The following CSMD2 variants were observed in gnomAD, a reference collection of about 807,000 sequenced individuals.
CSMD2 encodes the protein CUB and Sushi multiple domains 2, also known as CUB and sushi domain-containing protein 2.
Under a neutral mutation model 398.5 loss-of-function variants are expected in CSMD2, and 130 were observed. The observed-to-expected ratio is 0.33, with a 90% CI of 0.28 to 0.38. The LOEUF (loss-of-function observed/expected upper bound fraction) is 0.38, where lower values mean the gene tolerates loss of function less well. Ranked by LOEUF, CSMD2 falls within the 10% of genes least tolerant of loss-of-function variation. The pLI is 1.00. For synonymous variants in CSMD2, 1,828 were observed against 1,908.5 expected, an observed-to-expected ratio of 0.96 and a Z score of 1.10; for missense variants, 3,829 against 4,764.9, an observed-to-expected ratio of 0.80 and a Z score of 5.78.
intron 5 of CSMD2, chr1:33,870,576 A>G (rs1246775644): frequency 1.3e-5 from 2 of 152,100 alleles, no homozygotes; most frequent in Non-Finnish European, 2.9e-5. Flanking sequence ...TGACATTTCT[A>G]TGTCTCCCCT....
intron 2 of CSMD2, among the ~76,000 whole-genome samples, chr1:34,050,516 G>A (rs1270462115): frequency 6.6e-6 from 1 of 152,190 alleles, no homozygotes; most frequent in African/African-American, 2.4e-5. Flanking sequence ...TGAAGCAGCT[G>A]GCTAGGTAGA....
intron 6 of CSMD2, among the ~76,000 whole-genome samples, chr1:33,844,092 C>T (rs114858386): frequency 1.3e-5 from 2 of 152,318 alleles, no homozygotes; most frequent in Non-Finnish European, 2.9e-5. Flanking sequence ...TCCTGTCTCC[C>T]GCTGGACCCC....
chr1:33,804,529 C>T (rs988507689), intron 10 of CSMD2, among the ~76,000 whole-genome samples: 2 of 151,332 alleles, frequency 1.3e-5, no homozygotes, highest in Non-Finnish European at 2.9e-5. Context: ...TCTGGACATG[C>T]CTCCATCAGG....
chr1:33,944,755 C>G (rs959974221), intron 3 of CSMD2, among the ~76,000 whole-genome samples: 1 of 152,118 alleles, frequency 6.6e-6, no homozygotes, highest in African/African-American at 2.4e-5. Context: ...AACTGAGGAA[C>G]AGCCGGGCTA....
At chr1:33,742,577 G>T (rs1569649081) in intron 14 of CSMD2, among the ~76,000 whole-genome samples, 2 of 94,954 alleles carry the variant, frequency 2.1e-5, no homozygotes, top group South Asian at 3.2e-4. Flanking sequence ...CCAAGCTTCT[G>T]CCCCCCCCCC....
At chr1:33,826,175 C>T (rs1658789673) in intron 6 of CSMD2, among the ~76,000 whole-genome samples, 2 of 152,196 alleles carry the variant, frequency 1.3e-5, no homozygotes, top group Non-Finnish European at 2.9e-5. Context: ...TTTTTCTCTA[C>T]CTCAGTTCTG....
chr1:33,589,427 G>A (rs1443986316), intron 44 of CSMD2, among the ~76,000 whole-genome samples: 1 of 152,178 alleles, frequency 6.6e-6, no homozygotes, highest in Non-Finnish European at 1.5e-5. Flanking sequence ...AGGCCCCACT[G>A]GGAGAGATAG....
intron 4 of CSMD2, among the ~76,000 whole-genome samples, chr1:33,930,757 G>T (rs1028996902): frequency 3.3e-5 from 5 of 152,152 alleles, no homozygotes; most frequent in Non-Finnish European, 7.4e-5. Flanking sequence ...TTGAAAACGT[G>T]CCCAGTGTGA....
chr1:34,117,624 C>G (rs1558413965), intron 1 of CSMD2, among the ~76,000 whole-genome samples: 1 of 151,682 alleles, frequency 6.6e-6, no homozygotes, highest in African/African-American at 2.4e-5. Context: ...TAGCATTACC[C>G]TAATACCAAA....
At chr1:33,592,721 G>A (rs576744830) in intron 44 of CSMD2, among the ~76,000 whole-genome samples, 2 of 152,234 alleles carry the variant, frequency 1.3e-5, no homozygotes, top group South Asian at 4.1e-4. Flanking sequence ...AGGCCGAGGT[G>A]GGCGGATCAC....
intron 12 of CSMD2, among the ~76,000 whole-genome samples, chr1:33,778,872 A>G (rs1242351593): frequency 2.0e-5 from 3 of 152,136 alleles, no homozygotes; most frequent in South Asian, 2.1e-4. Context: ...TCTGGGAGTC[A>G]GCCTGGATTG....
At chr1:34,138,543 C>T (rs1020579629) in intron 1 of CSMD2, among the ~76,000 whole-genome samples, 18 of 152,330 alleles carry the variant, frequency 1.2e-4, no homozygotes, top group African/African-American at 2.9e-4. Flanking sequence ...TTCTCTCTTA[C>T]GGTTGGCCAC....
Position 33,936,000 on chromosome 1 carries a change from C to T in CSMD2, c.518-46G>A, listed in dbSNP as rs371726280. On this transcript the variant is annotated intron_variant, in intron 3 of 70. Coordinates refer to ENST00000373381, the MANE Select transcript of CSMD2 (RefSeq NM_001281956.2). The stretch of plus-strand genomic sequence containing the variant: ...AGAGACGGGTACCCCGTGAGCTGGG[C>T]TGGAGCCCTGACACCGGGCTTCCTA... The T allele has an allele frequency of 4.3e-5, 66 of 1,538,458 alleles. No individual in the cohort carries two copies. In the African/African-American group the frequency reaches 8.5e-4, roughly 20 times the overall value.
At position 33,739,464 on chromosome 1, in the gene CSMD2, C is replaced by T. The variant is rs561002; in HGVS notation, c.2174-130G>A. The T allele has an allele frequency of 3.6e-3, 3,110 of 868,864 alleles. 56 individuals are homozygous for T. The African/African-American group carries it at 0.046, about 13-fold the overall frequency. The allele number at this position is 868,864 out of a possible 1,614,324, so 53.8% of individuals were successfully genotyped here. On this transcript the variant is annotated intron_variant, in intron 14 of 70. Coordinates refer to ENST00000373381, the MANE Select transcript of CSMD2 (RefSeq NM_001281956.2). ...CCTCCCCAAGAACTTGCCATGTTGGCGGGAGAGCTAGGCATTCTAGGACCT... is the reference window on the plus strand; with the variant it reads ...CCTCCCCAAGAACTTGCCATGTTGGTGGGAGAGCTAGGCATTCTAGGACCT...
intron 54 of CSMD2, among the ~76,000 whole-genome samples, chr1:33,558,468 T>C (rs188175726): frequency 6.6e-6 from 1 of 152,220 alleles, no homozygotes; most frequent in African/African-American, 2.4e-5. Flanking sequence ...AAAATCAGGA[T>C]AAGATTTTAG....
rs1443045483 is a variant in CSMD2, at chr1:33,820,675, G to A, written c.1112-119C>T. 8.6e-6 allele frequency: 6 copies of A among 696,498 alleles called. No homozygotes were observed. The East Asian group carries it at 1.0e-4, about 12-fold the overall frequency. The allele number at this position is 696,498 out of a possible 1,614,324, so 43.1% of individuals were successfully genotyped here. A position where few individuals can be genotyped will look rare whatever the true frequency, so the allele number is the denominator to read the frequency against. On this transcript the variant is annotated intron_variant, in intron 7 of 70. Coordinates refer to ENST00000373381, the MANE Select transcript of CSMD2 (RefSeq NM_001281956.2). Reference sequence around the variant, plus strand: ...GAGGTGGAGGCAGAGACAGAATGAGGCCCTGCTTTGTTGGGGCTGTGTGGG... The same window carrying A: ...GAGGTGGAGGCAGAGACAGAATGAGACCCTGCTTTGTTGGGGCTGTGTGGG...
At chr1:34,016,891 A>C (rs1314827573) in intron 3 of CSMD2, among the ~76,000 whole-genome samples, 1 of 152,220 alleles carries the variant, frequency 6.6e-6, no homozygotes, top group African/African-American at 2.4e-5. Context: ...TGCTCCCATC[A>C]TGCAACCCTC....
chr1:34,067,907 A>C (rs1655288353), intron 2 of CSMD2, among the ~76,000 whole-genome samples: 1 of 152,212 alleles, frequency 6.6e-6, no homozygotes, highest in South Asian at 2.1e-4. Flanking sequence ...TGACTCCAGG[A>C]AGTCAGGATT....
chr1:33,624,112 T>C lies in CSMD2; in HGVS notation c.5625+407A>G, dbSNP rs536448217. Among the ~76,000 whole-genome samples the C allele has an allele frequency of 1.6e-4, 25 of 152,348 alleles. No individual in the cohort carries two copies. The highest frequency in any genetic ancestry group is 6.0e-4 in the African/African-American group (25 of 41,582). Reference sequence around the variant, plus strand: ...TTCTCATTAGCACTGCCTCCCCTTCTAACCCTCACAATCTTAAGAAAATCT... The same window carrying C: ...TTCTCATTAGCACTGCCTCCCCTTCCAACCCTCACAATCTTAAGAAAATCT... On this transcript the variant is annotated intron_variant, in intron 35 of 70. Coordinates refer to ENST00000373381, the MANE Select transcript of CSMD2 (RefSeq NM_001281956.2). This position sits in a 1 kb window ranked among gnomAD's most constrained non-coding sequence, Gnocchi z 4.7.
Sources: allele counts gnomAD v4.1 joint callset (sites outside exome capture counted in the v4.1 genomes callset), GRCh38; gene constraint gnomAD v4.1.1; non-coding constraint Gnocchi (gnomAD v3.1); transcripts MANE v1.5; gene names NCBI Gene and HGNC (gene_info 2026-07-23, HGNC 2026-07-21).